The following FLT3 variants were observed in gnomAD, a reference collection of about 807,000 sequenced individuals.
The protein encoded by FLT3 is fms related receptor tyrosine kinase 3, also known as receptor-type tyrosine-protein kinase FLT3.
FLT3 carries 46 observed loss-of-function variants against 126.6 expected under a neutral mutation model. The ratio of observed to expected loss-of-function variants is 0.36; its 90% CI spans 0.29 to 0.46. FLT3 has a LOEUF of 0.46. FLT3 is among the 20% of genes least tolerant of loss of function. FLT3 has a pLI of 1.00. For missense variants in FLT3, 1,069 were observed against 1,190.3 expected, an observed-to-expected ratio of 0.90 and a Z score of 1.50; for synonymous variants, 404 against 434.4, an observed-to-expected ratio of 0.93 and a Z score of 0.87.
chr13:28,026,663 T>C (rs779743991), intron 17 of FLT3, among the ~76,000 whole-genome samples: 2 of 152,214 alleles, frequency 1.3e-5, no homozygotes, highest in Non-Finnish European at 2.9e-5. Context: ...CATCCTAATA[T>C]CTTAGAATCC....
At chr13:28,062,155 A>G (rs1876628954) in intron 2 of FLT3, 86 bp from the exon 3 acceptor site, 1 of 1,000,972 alleles carries the variant, frequency 1.0e-6, no homozygotes, top group Middle Eastern at 3.3e-4. Context: ...TATCAAACAT[A>G]TGCATGCTGA....
intron 3 of FLT3, among the ~76,000 whole-genome samples, chr13:28,059,756 C>T (rs182703873): frequency 2.2e-4 from 33 of 150,918 alleles, no homozygotes; most frequent in African/African-American, 7.3e-4. Flanking sequence ...GGTCAAAAGA[C>T]GGAGACCATC....
chr13:28,095,127 C>T (rs557436684), intron 1 of FLT3, among the ~76,000 whole-genome samples: 2 of 152,242 alleles, frequency 1.3e-5, no homozygotes, highest in Admixed American at 1.3e-4. Flanking sequence ...GGTGAGCAGT[C>T]TGGGTATATA....
At chr13:28,087,015 T>C (rs1300151442) in intron 1 of FLT3, among the ~76,000 whole-genome samples, 2 of 152,178 alleles carry the variant, frequency 1.3e-5, no homozygotes, top group Admixed American at 1.3e-4. Flanking sequence ...TCAGTTTTTG[T>C]ACATCTGAAA....
In FLT3 at chr13:28,100,404, T is replaced by A. The variant is rs1879750010; in HGVS notation, c.43+64A>T. On this transcript the variant is annotated intron_variant, in intron 1 of 23. Transcript: ENST00000241453. This position sits in a 1 kb window ranked among gnomAD's most constrained non-coding sequence, Gnocchi z 4.8. ...GGGCCGGAGGAGGCGCGCGCCCGGG[T>A]CCACACTGCGGGGTGGGGGCTGAGG... 7 of 1,125,464 alleles carry A rather than the reference T, an allele frequency of 6.2e-6. No homozygotes were observed. Among genetic ancestry groups the A allele is most frequent in the Non-Finnish European group, 7.8e-6 (7 of 897,850 alleles). The allele number at this position is 1,125,464 out of a possible 1,614,324, so 69.7% of individuals were successfully genotyped here.
intron 1 of FLT3, among the ~76,000 whole-genome samples, chr13:28,072,032 T>A (rs887074999): frequency 6.6e-6 from 1 of 152,090 alleles, no homozygotes; most frequent in African/African-American, 2.4e-5. Context: ...TCTTTGTCTT[T>A]CTATGTTTAT....
At position 28,037,591 on chromosome 13, in the gene FLT3, T is replaced by C. The variant is rs115540379; in HGVS notation, c.1206-303A>G. Among the ~76,000 whole-genome samples the C allele has an allele frequency of 8.9e-3, 1,356 of 152,248 alleles. 20 individuals carry two copies. Among genetic ancestry groups the C allele is most frequent in the African/African-American group, 0.031 (1,272 of 41,542 alleles). ...GATCACCATGTGAGTCATATGCCCA[T>C]TGGGAGTTGGGATTGGCCGAAGATT... is the stretch of plus-strand genomic sequence containing the variant. On this transcript the variant is annotated intron_variant, in intron 9 of 23. Coordinates refer to ENST00000241453, the MANE Select transcript of FLT3 (RefSeq NM_004119.3).
At position 28,033,937 on chromosome 13, in the gene FLT3, C is replaced by T. The variant is rs2137672903; in HGVS notation, c.1892G>A (p.Gly631Glu). The T allele has an allele frequency of 6.2e-7, 1 of 1,614,208 alleles. No individual in the cohort carries two copies. Among genetic ancestry groups the T allele is most frequent in the Non-Finnish European group, 8.5e-7 (1 of 1,180,048 alleles). ...GATTGAGACTCCTGTTTTGCTAATT[C>T]CATAAGCTGTTGCGTTCATCACTTT... ...FGKVMNATAY[G>E]ISKTGVSIQV... Residue 631 changes from glycine to glutamate, a missense_variant, in exon 15 of 24, where the codon GGA (glycine) becomes GAA (glutamate). Gly to Glu is a moderately conservative substitution (Grantham distance 98). Transcript: ENST00000241453.
At chr13:28,008,032 T>C (rs1344343767) in intron 23 of FLT3, among the ~76,000 whole-genome samples, 1 of 152,054 alleles carries the variant, frequency 6.6e-6, no homozygotes, top group Non-Finnish European at 1.5e-5. Flanking sequence ...GTTTGTTTTT[T>C]CCCTAGCTTC....
chr13:28,023,256 T>C (rs1288652854), intron 19 of FLT3, 94 bp downstream of exon 19: 6 of 1,334,428 alleles, frequency 4.5e-6, no homozygotes, highest in Non-Finnish European at 6.2e-6. Context: ...AGGCAGACTT[T>C]AAGGGATACA....
chr13:28,089,962 A>C (rs1189950330), intron 1 of FLT3, among the ~76,000 whole-genome samples: 4 of 151,670 alleles, frequency 2.6e-5, no homozygotes, highest in East Asian at 1.9e-4. Context: ...GCTGGTCTCA[A>C]ACTCCTGACT....
chr13:28,096,176 G>C (rs1255579976), intron 1 of FLT3, among the ~76,000 whole-genome samples: 1 of 151,908 alleles, frequency 6.6e-6, no homozygotes, highest in Non-Finnish European at 1.5e-5. Flanking sequence ...ACAATACAGT[G>C]AAACCCCATC....
chr13:28,061,762 C>T (rs570064991), intron 3 of FLT3, 105 bp downstream of exon 3: 7 of 822,260 alleles, frequency 8.5e-6, no homozygotes, highest in East Asian at 5.3e-5. Flanking sequence ...CAGAGAGAGA[C>T]CCTGACTCAC....
At position 28,014,470 on chromosome 13, in the gene FLT3, C is replaced by A; in HGVS notation, c.2841G>T (p.Leu947=). The change falls in exon 23 of 24, where the codon CTG becomes CTT. Residue 947 remains leucine (L), a synonymous_variant. Transcript: ENST00000241453. ...PNLTSFLGCQ[L]ADAEEAMYQN... ...TACATACCGCTTCTTCTGCATCTGC[C>A]AGCTGACATCCTAAAAACGAAGTCA... The A allele has an allele frequency of 6.2e-7, 1 of 1,613,408 alleles. No homozygotes were observed. The highest frequency in any genetic ancestry group is 8.5e-7 in the Non-Finnish European group (1 of 1,179,360).
At chr13:28,042,914 A>C (rs1874517258) in intron 9 of FLT3, among the ~76,000 whole-genome samples, 1 of 151,410 alleles carries the variant, frequency 6.6e-6, no homozygotes, top group Admixed American at 6.6e-5. Context: ...CAGGCTCCAT[A>C]ATCTTCTGCA....
chr13:28,050,157 G>A lies in FLT3; in HGVS notation c.680C>T (p.Thr227Met), dbSNP rs1933437. The A allele has an allele frequency of 0.61, 980,976 of 1,613,410 alleles. 302,489 individuals are homozygous for A. Among genetic ancestry groups the A allele is most frequent in the East Asian group, 0.76 (34,204 of 44,860 alleles). ...ATTTCTGGCACAGCACCTTATGTCC[G>A]TCCCAAATAATTCATGAAGCACTTT... ...EEKVLHELFG[T>M]DIRCCARNEL... is the part of the protein sequence containing the mutation. The change falls in exon 6 of 24, where the codon ACG becomes ATG. Residue 227 changes from threonine (T) to methionine (M), a missense_variant. Thr to Met is a moderately conservative substitution (Grantham distance 81). Transcript: ENST00000241453.
chr13:28,042,416 A>C (rs1028868959), intron 9 of FLT3, among the ~76,000 whole-genome samples: 1 of 152,062 alleles, frequency 6.6e-6, no homozygotes, highest in Non-Finnish European at 1.5e-5. Flanking sequence ...AAAGATCCAT[A>C]TTGTATGTTT....
At chr13:28,070,470 A>G (rs1335580894) in intron 2 of FLT3, 21 bp downstream of exon 2, 1 of 1,600,166 alleles carries the variant, frequency 6.2e-7, no homozygotes, top group African/African-American at 1.3e-5. Flanking sequence ...AGCTAAAGGT[A>G]TAATTTTAAT....
At chr13:28,025,044 A>G in intron 17 of FLT3, 101 bp from the exon 18 acceptor site, 1 of 730,752 alleles carries the variant, frequency 1.4e-6, no homozygotes, top group Non-Finnish European at 2.4e-6. Context: ...CCAGTTATAA[A>G]TTGACTTTTA....
Sources: gnomAD v4.1 joint callset for allele counts (sites outside exome capture counted in the v4.1 genomes callset) on GRCh38, gnomAD v4.1.1 for gene constraint, Gnocchi (gnomAD v3.1) non-coding constraint, MANE v1.5 for transcripts, NCBI Gene and HGNC (gene_info 2026-07-23, HGNC 2026-07-21) for gene names.